ZNF800: variants seen among roughly 807,000 people sequenced by gnomAD.
ZNF800 encodes the protein zinc finger protein 800.
ZNF800 carries 13 observed loss-of-function variants against 59.5 expected under a neutral mutation model. The ratio of observed to expected loss-of-function variants is 0.22; its 90% confidence interval spans 0.14 to 0.35. The LOEUF is 0.35. Ranked by LOEUF, ZNF800 falls within the 10% of genes least tolerant of loss-of-function variation. The pLI is 1.00. For missense variants in ZNF800, 621 were observed against 783.7 expected (o/e 0.79, Z 2.48); for synonymous variants, 266 against 265.7 (o/e 1.00, Z -0.01).
rs773434727 is a variant in ZNF800 at position 127,384,385 on chromosome 7, C to T, written c.157+1675G>A. Among the ~76,000 whole-genome samples, 3 of 151,632 alleles carry T rather than the reference C, an allele frequency of 2.0e-5. No homozygotes were observed. The East Asian group carries it at 5.8e-4, about 29-fold the overall frequency. On this transcript the variant is annotated intron_variant, in intron 3 of 5. Coordinates refer to ENST00000265827, the MANE Select transcript of ZNF800 (RefSeq NM_176814.5). ...AGTAGCTGAGACTACAGGCGCCCGC[C>T]GCCGCCCCCCAGCTAATTTTTTGTA...
At position 127,386,120 on chromosome 7, in the gene ZNF800, G is replaced by C; in HGVS notation, c.97C>G (p.Gln33Glu). Residue 33 changes from glutamine (Q) to glutamate (E), a missense_variant, in exon 3 of 6, where the codon CAG becomes GAG. Coordinates refer to ENST00000265827, the MANE Select transcript of ZNF800 (RefSeq NM_176814.5). Reference protein sequence around the residue: ...ILEPGDPPLLQQPLQTSKSGI... With the variant: ...ILEPGDPPLLEQPLQTSKSGI... ...GATTTGGATGTCTGTAGTGGTTGCTGTAACAAAGGAGGATCTCCAGGTTCC... is the reference window on the plus strand; with the variant it reads ...GATTTGGATGTCTGTAGTGGTTGCTCTAACAAAGGAGGATCTCCAGGTTCC... 1 of 1,611,344 alleles carries C rather than the reference G, an allele frequency of 6.2e-7. No individual in the cohort carries two copies. Among genetic ancestry groups the C allele is most frequent in the Non-Finnish European group, 8.5e-7 (1 of 1,178,406 alleles).
chr7:127,367,447 T>G (rs781123080), downstream of ZNF800, among the ~76,000 whole-genome samples: 5 of 152,176 alleles, frequency 3.3e-5, no homozygotes, highest in Non-Finnish European at 5.9e-5. Flanking sequence ...GTTTCTATTT[T>G]CTGTTCCATA....
intron 1 of ZNF800, chr7:127,364,453 G>A (rs1361510482): frequency 1.3e-5 from 2 of 152,116 alleles, no homozygotes; most frequent in Non-Finnish European, 2.9e-5. Flanking sequence ...GTCTGATATA[G>A]AAGGAAAACA....
rs763511528 is a variant in ZNF800 at position 127,391,482 on chromosome 7, C to G, written c.61+15G>C. On this transcript the variant is annotated intron_variant, in intron 2 of 5. Coordinates refer to ENST00000265827, the MANE Select transcript of ZNF800 (RefSeq NM_176814.5). ...TGATGGAGGGCAAAGCAACTGCGGACGAAGAGGGGTCTACCTGGTTCACAG... is the reference window on the plus strand; with the variant it reads ...TGATGGAGGGCAAAGCAACTGCGGAGGAAGAGGGGTCTACCTGGTTCACAG... 1.9e-6 allele frequency: 3 copies of G among 1,613,896 alleles called. No homozygotes were observed. The highest frequency in any genetic ancestry group is 2.2e-5 in the South Asian group (2 of 91,080).
chr7:127,344,273 AATG>A (rs1382622427), downstream of ZNF800, among the ~76,000 whole-genome samples: 1 of 152,040 alleles, frequency 6.6e-6, no homozygotes, highest in Non-Finnish European at 1.5e-5. Flanking sequence ...ATGATGGAAA[AATG>A]ATCCCATTCA....
chr7:127,359,472 T>G (rs1800349046), intron 1 of ZNF800, among the ~76,000 whole-genome samples: 2 of 91,452 alleles, frequency 2.2e-5, no homozygotes, highest in Admixed American at 1.2e-4. Flanking sequence ...CAAAATATTT[T>G]TAAGTAAAGA....
intron 3 of ZNF800, among the ~76,000 whole-genome samples, chr7:127,383,182 A>G (rs898108270): frequency 2.6e-4 from 39 of 152,358 alleles, no homozygotes; most frequent in African/African-American, 9.4e-4. Flanking sequence ...TTCATAAGAC[A>G]GAACTTTTTA....
chr7:127,378,095 T>A (rs1365250327), intron 3 of ZNF800, among the ~76,000 whole-genome samples: 5 of 152,074 alleles, frequency 3.3e-5, no homozygotes, highest in African/African-American at 1.2e-4. Flanking sequence ...CTCTACTAGA[T>A]TATACACTCC....
chr7:127,383,897 G>A (rs1252002321), intron 3 of ZNF800, among the ~76,000 whole-genome samples: 2 of 151,686 alleles, frequency 1.3e-5, no homozygotes, highest in Non-Finnish European at 2.9e-5. Context: ...TAACTCAAAA[G>A]GCAAATTTGC....
chr7:127,362,148 C>T (rs1258515380), intron 1 of ZNF800: 1 of 152,072 alleles, frequency 6.6e-6, no homozygotes, highest in Admixed American at 6.6e-5. Flanking sequence ...TCCCAAAAAG[C>T]TTTTTGTGGA....
chr7:127,391,488 G>C lies in ZNF800; in HGVS notation c.61+9C>G, dbSNP rs760333413. The C allele has an allele frequency of 6.8e-6, 11 of 1,614,100 alleles. No individual in the cohort carries two copies. Among genetic ancestry groups the C allele is most frequent in the Non-Finnish European group, 9.3e-6 (11 of 1,179,982 alleles). ...AGGGCAAAGCAACTGCGGACGAAGA[G>C]GGGTCTACCTGGTTCACAGCATCCG... is the stretch of plus-strand genomic sequence containing the variant. On this transcript the variant is annotated intron_variant, in intron 2 of 5. Coordinates refer to ENST00000265827, the MANE Select transcript of ZNF800 (RefSeq NM_176814.5).
chr7:127,347,887 G>C (rs1053013810), exon 2 of ZNF800: 1 of 150,350 alleles, frequency 6.7e-6, no homozygotes, highest in African/African-American at 2.4e-5. Flanking sequence ...CCAGGCCCCG[G>C]GCAGCGTGCT....
At chr7:127,375,119 A>G in intron 4 of ZNF800, 85 bp from the exon 5 acceptor site, 1 of 1,077,316 alleles carries the variant, frequency 9.3e-7, no homozygotes, top group East Asian at 2.5e-5. Flanking sequence ...ATGAACCTCT[A>G]TCTCAGAATA....
At chr7:127,356,292 AGT>A (rs1562896416) in intron 1 of ZNF800, among the ~76,000 whole-genome samples, 1 of 151,588 alleles carries the variant, frequency 6.6e-6, no homozygotes, top group East Asian at 1.9e-4. Flanking sequence ...AGAGAGAGAG[AGT>A]GTGTGTTGTT....
chr7:127,353,470 T>C (rs1800209000), intron 1 of ZNF800, among the ~76,000 whole-genome samples: 1 of 152,186 alleles, frequency 6.6e-6, no homozygotes, highest in Admixed American at 6.5e-5. Flanking sequence ...ATCTTACTTG[T>C]TCAACAACTG....
intron 5 of ZNF800, chr7:127,372,866 T>C (rs1288601229): frequency 1.0e-6 from 1 of 985,274 alleles, no homozygotes; most frequent in African/African-American, 1.7e-5. Flanking sequence ...AGATTAATTT[T>C]TACAATAATT....
chr7:127,350,005 G>GA lies in ZNF800; in HGVS notation n.225-1963dup, dbSNP rs1800141380. The GA allele has an allele frequency of 1.3e-5, 2 of 152,182 alleles. 1 individual carries two copies. Among genetic ancestry groups the GA allele is most frequent in the South Asian group, 4.1e-4 (2 of 4,828 alleles). The allele number at this position is 152,182 out of a possible 1,614,324, so 9.4% of individuals were successfully genotyped here. A position where few individuals can be genotyped will look rare whatever the true frequency, so the allele number is the denominator to read the frequency against. On this transcript the variant is annotated intron_variant and non_coding_transcript_variant, in intron 1 of 1. Transcript: ENST00000485577. ...TCCTACCTTTGAGAAGCTCTAGCTA[G>GA]AAAATTACCTTCAGATTACTCAGAT...
intron 4 of ZNF800, 39 bp from the exon 5 acceptor site, chr7:127,375,073 A>G (rs1477401758): frequency 6.9e-7 from 1 of 1,456,198 alleles, no homozygotes; most frequent in Non-Finnish European, 9.1e-7. Context: ...TGAAGTAATT[A>G]GCCTGCTGTA....
At chr7:127,388,930 C>T in intron 2 of ZNF800, among the ~76,000 whole-genome samples, 1 of 152,112 alleles carries the variant, frequency 6.6e-6, no homozygotes, top group East Asian at 1.9e-4. Flanking sequence ...AGCCTATCAT[C>T]CTCCCAAGAT....
Sources: allele counts gnomAD v4.1 joint callset (sites outside exome capture counted in the v4.1 genomes callset), GRCh38; gene constraint gnomAD v4.1.1; transcripts MANE v1.5; gene names NCBI Gene and HGNC (gene_info 2026-07-23, HGNC 2026-07-21).